The following ARSJ variants were observed in gnomAD, a reference collection of about 807,000 sequenced individuals.
ARSJ encodes arylsulfatase J.
In ARSJ, 26 loss-of-function variants were observed where a neutral mutation model predicts 35.9. The observed-to-expected ratio is 0.72, with a 90% CI of 0.53 to 1.00. The LOEUF is 1.00. Ranked by LOEUF, ARSJ falls within the 50% of genes least tolerant of loss-of-function variation. ARSJ has a pLI of 0.00. For missense variants in ARSJ, 667 were observed against 723.6 expected, an observed-to-expected ratio of 0.92 and a Z score of 0.90; for synonymous variants, 294 against 267.6, an observed-to-expected ratio of 1.10 and a Z score of -0.96.
intron 1 of ARSJ, among the ~76,000 whole-genome samples, chr4:113,939,472 C>T (rs1276670187): frequency 4.6e-5 from 7 of 152,094 alleles, no homozygotes; most frequent in South Asian, 2.1e-4. Context: ...TCTAGAGCCC[C>T]GAGGAATTGC....
chr4:113,921,992 G>A (rs911030601), intron 1 of ARSJ, among the ~76,000 whole-genome samples: 2 of 152,118 alleles, frequency 1.3e-5, no homozygotes, highest in African/African-American at 4.8e-5. Flanking sequence ...TGGACAACAT[G>A]GACAGGGCAG....
Position 113,903,243 on chromosome 4 carries a change from C to A in ARSJ, c.831G>T (p.Arg277Ser), listed in dbSNP as rs773663397. ...TAATGGATCGGTAGTGTTCGAAATA[C>A]CTGCCAGGAGCTTGCAGTGGTGAAT... ...AVHSPLQAPG[R>S]YFEHYRSIIN... The change falls in exon 2 of 2, where the codon AGG becomes AGT. Residue 277 changes from arginine (R) to serine (S), a missense_variant. Transcript: ENST00000315366. 1 of 1,614,128 alleles carries A rather than the reference C, an allele frequency of 6.2e-7. No individual in the cohort carries two copies. Among genetic ancestry groups the A allele is most frequent in the Non-Finnish European group, 8.5e-7 (1 of 1,180,036 alleles).
At chr4:113,918,893 A>AG (rs1462585980) in intron 1 of ARSJ, among the ~76,000 whole-genome samples, 1 of 152,034 alleles carries the variant, frequency 6.6e-6, no homozygotes, top group Non-Finnish European at 1.5e-5. Context: ...CCCAGGCTTA[A>AG]GTGATCCTCT....
intron 1 of ARSJ, among the ~76,000 whole-genome samples, chr4:113,965,773 A>C (rs1006102077): frequency 6.6e-6 from 1 of 152,128 alleles, no homozygotes; most frequent in Non-Finnish European, 1.5e-5. Flanking sequence ...TTACAAAGAC[A>C]GCCAAACTAG....
At position 113,920,704 on chromosome 4, in the gene ARSJ, T is replaced by C. The variant is rs547093897; in HGVS notation, c.399-17029A>G. On this transcript the variant is annotated intron_variant, in intron 1 of 1. Transcript: ENST00000315366. ...ACAGAAGTGTGGCACGTAGTTATTA[T>C]TAAAGTCCATGAGGGGACAAGAGTT... 3.9e-5 allele frequency among the ~76,000 whole-genome samples: 6 copies of C among 152,252 alleles called. No individual in the cohort carries two copies. The South Asian group carries it at 1.2e-3, about 32-fold the overall frequency.
At chr4:113,952,984 C>A (rs1255540613) in intron 1 of ARSJ, among the ~76,000 whole-genome samples, 1 of 152,046 alleles carries the variant, frequency 6.6e-6, no homozygotes, top group Non-Finnish European at 1.5e-5. Flanking sequence ...ATAATCGTTA[C>A]AATTTATTGA....
At chr4:113,938,724 G>GA (rs920426043) in intron 1 of ARSJ, among the ~76,000 whole-genome samples, 1 of 149,038 alleles carries the variant, frequency 6.7e-6, no homozygotes, top group African/African-American at 2.5e-5. Flanking sequence ...AAATTTACAA[G>GA]AAAAAAAAAC....
intron 1 of ARSJ, among the ~76,000 whole-genome samples, chr4:113,941,457 G>T (rs879641332): frequency 6.6e-6 from 1 of 151,936 alleles, no homozygotes; most frequent in Non-Finnish European, 1.5e-5. Context: ...TGGCATATAG[G>T]TCCTCAAACA....
intron 1 of ARSJ, among the ~76,000 whole-genome samples, chr4:113,939,814 G>T (rs1323077429): frequency 6.6e-6 from 1 of 151,930 alleles, no homozygotes; most frequent in Admixed American, 6.6e-5. Flanking sequence ...GTAGATTCTA[G>T]ATATTAGCCC....
chr4:113,947,487 A>G (rs1308412646), intron 1 of ARSJ, among the ~76,000 whole-genome samples: 1 of 145,608 alleles, frequency 6.9e-6, no homozygotes, highest in African/African-American at 2.5e-5. Flanking sequence ...TTCAAAAGAA[A>G]GAAAGAGGAA....
Position 113,903,130 on chromosome 4 carries a change from C to A in ARSJ, c.944G>T (p.Gly315Val). 1 of 1,614,156 alleles carries A rather than the reference C, an allele frequency of 6.2e-7. No homozygotes were observed. The highest frequency in any genetic ancestry group is 8.5e-7 in the Non-Finnish European group (1 of 1,180,028). ...AATGATAATGCTGTTGTTATAGAAA[C>A]CATAAGTCTTTAGAGCCAATGTCAC... ...NNVTLALKTYGFYNNSIIIYS... is the reference protein window; with the variant it reads ...NNVTLALKTYVFYNNSIIIYS... The change falls in exon 2 of 2, where the codon GGT (glycine) becomes GTT (valine). Residue 315 changes from glycine (G) to valine (V), a missense_variant. Transcript: ENST00000315366.
chr4:113,963,854 C>T (rs1280614477), intron 1 of ARSJ, among the ~76,000 whole-genome samples: 2 of 152,034 alleles, frequency 1.3e-5, no homozygotes, highest in Non-Finnish European at 2.9e-5. Flanking sequence ...TACATTTAAC[C>T]TTGGGAGTTT....
chr4:113,920,937 TG>T (rs1231229830), intron 1 of ARSJ, among the ~76,000 whole-genome samples: 2 of 152,064 alleles, frequency 1.3e-5, no homozygotes, highest in African/African-American at 2.4e-5. Flanking sequence ...TAAAGAGCAA[TG>T]GCGCTAATAA....
intron 1 of ARSJ, among the ~76,000 whole-genome samples, chr4:113,958,624 C>T (rs1283497560): frequency 6.6e-6 from 1 of 151,888 alleles, no homozygotes; most frequent in Non-Finnish European, 1.5e-5. Context: ...TTGACTTTAG[C>T]CGATACATAT....
At chr4:113,926,516 A>G (rs1408964747) in intron 1 of ARSJ, among the ~76,000 whole-genome samples, 2 of 152,162 alleles carry the variant, frequency 1.3e-5, no homozygotes, top group Admixed American at 6.5e-5. Context: ...TCAACTGATC[A>G]TAGAGAACTC....
At chr4:113,968,654 G>C (rs1459544501) in intron 1 of ARSJ, among the ~76,000 whole-genome samples, 3 of 152,240 alleles carry the variant, frequency 2.0e-5, no homozygotes, top group African/African-American at 7.2e-5. Flanking sequence ...TCCAAAGAAG[G>C]TATAAATGGA....
chr4:113,951,788 T>G (rs1346100237), intron 1 of ARSJ, among the ~76,000 whole-genome samples: 1 of 152,052 alleles, frequency 6.6e-6, no homozygotes, highest in Non-Finnish European at 1.5e-5. Flanking sequence ...CTGGTAAATA[T>G]GTGTCTTCAT....
chr4:113,976,660 T>G (rs1221429056), intron 1 of ARSJ, among the ~76,000 whole-genome samples: 1 of 152,200 alleles, frequency 6.6e-6, no homozygotes, highest in African/African-American at 2.4e-5. Flanking sequence ...TATTCAAATG[T>G]TTAATTCAAA....
At position 113,978,932 on chromosome 4, in the gene ARSJ, CT is replaced by C; in HGVS notation, c.-99del. On this transcript the variant is annotated 5_prime_UTR_variant, in exon 1 of 2. The change abolishes the stop of an existing upstream ORF in the 5' untranslated region. Transcript: ENST00000315366. The stretch of plus-strand genomic sequence containing the variant: ...CCAACAGACGGTGAAGACTCTCCAC[CT>C]GGCAAGAAATCCTCCTCTCCTCTCA... 7.6e-7 allele frequency: 1 copy of C among 1,323,736 alleles called. No homozygotes were observed. Among genetic ancestry groups the C allele is most frequent in the Non-Finnish European group, 1.0e-6 (1 of 971,936 alleles). 82.0% of individuals were successfully genotyped at this position (1,323,736 alleles called of 1,614,324 possible). A position where few individuals can be genotyped will look rare whatever the true frequency, so the allele number is the denominator to read the frequency against.
Sources: gnomAD v4.1 joint callset for allele counts (sites outside exome capture counted in the v4.1 genomes callset) on GRCh38, gnomAD v4.1.1 for gene constraint, MANE v1.5 for transcripts, NCBI Gene and HGNC (gene_info 2026-07-23, HGNC 2026-07-21) for gene names.